BAZ2B: variants seen among roughly 807,000 people sequenced by gnomAD.
BAZ2B encodes the protein bromodomain adjacent to zinc finger domain 2B, also known as bromodomain adjacent to zinc finger domain protein 2B.
Under a neutral mutation model 246.0 loss-of-function variants are expected in BAZ2B, and 91 were observed. That is an observed-to-expected ratio of 0.37 (90% CI 0.31 to 0.44). The LOEUF is 0.44. BAZ2B is among the 20% of genes least tolerant of loss of function. The probability of loss-of-function intolerance (pLI) is 1.00; values close to 1 mark genes in which losing one functional copy is unlikely to be tolerated. For synonymous variants in BAZ2B, 855 were observed against 860.0 expected, an observed-to-expected ratio of 0.99 and a Z score of 0.10; for missense variants, 2,332 against 2,533.7, an observed-to-expected ratio of 0.92 and a Z score of 1.71.
rs1464480540 is a variant in BAZ2B, at chr2:159,555,068, G to GT, written c.-3+754_-3+755insA. 2.2e-3 allele frequency among the ~76,000 whole-genome samples: 191 copies of GT among 85,616 alleles called. 1 individual carries two copies. Among genetic ancestry groups the GT allele is most frequent in the East Asian group, 6.6e-3 (18 of 2,724 alleles). The allele number at this position is 85,616 out of a possible 152,430, so 56.2% of individuals were successfully genotyped here. On this transcript the variant is annotated intron_variant, in intron 2 of 36. Coordinates refer to ENST00000392783, the MANE Select transcript of BAZ2B (RefSeq NM_013450.4). ...ATATGTGGTATGTGGTGTATGTGGG[G>GT]GGTGTGTGTGTGTGTGTGTGTATTT...
chr2:159,679,435 G>C, the BAZ2B span, among the ~76,000 whole-genome samples: 6 of 151,990 alleles, frequency 3.9e-5, no homozygotes. Context: ...AAGTAAAATA[G>C]CAGAGTTTGT....
chr2:159,322,476 C>G (rs1321134104), intron 36 of BAZ2B, among the ~76,000 whole-genome samples: 3 of 152,160 alleles, frequency 2.0e-5, no homozygotes, highest in Admixed American at 6.5e-5. Flanking sequence ...TTTATCTATT[C>G]CAGATACTTC....
At chr2:159,367,447 T>A (rs1438802273) in intron 27 of BAZ2B, among the ~76,000 whole-genome samples, 1 of 152,210 alleles carries the variant, frequency 6.6e-6, no homozygotes, top group Non-Finnish European at 1.5e-5. Context: ...TCTGTGAAGG[T>A]AATCCAATGT....
intron 3 of BAZ2B, chr2:159,460,369 G>A (rs1014834362): frequency 1.3e-5 from 2 of 152,030 alleles, no homozygotes; most frequent in African/African-American, 2.4e-5. Context: ...CAAAATAATT[G>A]TAAGAACTAA....
chr2:159,434,469 A>G (rs12476807), intron 8 of BAZ2B: 49,488 of 152,114 alleles, frequency 0.33, 9,903 homozygotes, highest in Non-Finnish European at 0.46. Context: ...AAGTCAAACA[A>G]TTCTAAGTTG....
intron 2 of BAZ2B, among the ~76,000 whole-genome samples, chr2:159,548,776 G>A (rs967616621): frequency 1.3e-5 from 2 of 152,076 alleles, no homozygotes; most frequent in African/African-American, 4.8e-5. Flanking sequence ...TCCAGCCTGG[G>A]TGACTGAGCA....
intron 17 of BAZ2B, 152 bp from the exon 18 acceptor site, chr2:159,399,046 T>A: frequency 1.7e-6 from 1 of 578,564 alleles, no homozygotes; most frequent in Non-Finnish European, 2.8e-6. Context: ...CCAGTTAACA[T>A]TATGTTTAAC....
intron 2 of BAZ2B, among the ~76,000 whole-genome samples, chr2:159,530,235 T>C (rs1440472551): frequency 2.6e-5 from 4 of 152,184 alleles, no homozygotes; most frequent in Non-Finnish European, 5.9e-5. Context: ...TTTCTTTCTA[T>C]AACTTTTGCA....
At chr2:159,328,070 G>A (rs12996691) in intron 34 of BAZ2B, among the ~76,000 whole-genome samples, 2,692 of 49,332 alleles carry the variant, frequency 0.055, 348 homozygotes, top group African/African-American at 0.062. Context: ...GCCTCAAAAC[G>A]AAAAAAAAAA....
chr2:159,420,543 G>T (rs2068565613), intron 13 of BAZ2B, among the ~76,000 whole-genome samples: 1 of 152,080 alleles, frequency 6.6e-6, no homozygotes, highest in African/African-American at 2.4e-5. Flanking sequence ...CCTCCTGGTT[G>T]AAAGAAATAA....
intron 5 of BAZ2B, among the ~76,000 whole-genome samples, chr2:159,447,320 C>CT (rs1278089456): frequency 3.9e-5 from 6 of 152,150 alleles, no homozygotes; most frequent in Non-Finnish European, 8.8e-5. Flanking sequence ...AAATTATTCA[C>CT]TTTAAGATGG....
chr2:159,513,854 C>G (rs2083173250), intron 2 of BAZ2B, among the ~76,000 whole-genome samples: 1 of 152,062 alleles, frequency 6.6e-6, no homozygotes, highest in Non-Finnish European at 1.5e-5. Flanking sequence ...CCCACTGAGG[C>G]CCTACATGAA....
rs984824227 is a variant in BAZ2B at position 159,433,156 on chromosome 2, C to G, written c.1501G>C (p.Val501Leu). The change falls in exon 9 of 37, where the codon GTC (valine) becomes CTC (leucine). Residue 501 changes from valine to leucine, a missense_variant. By Grantham distance (32) the Val-to-Leu change is conservative (BLOSUM62 1). Coordinates refer to ENST00000392783, the MANE Select transcript of BAZ2B (RefSeq NM_013450.4). Reference protein sequence around the residue: ...NHQPNGVIQSVIQEAPLALTT... With the variant: ...NHQPNGVIQSLIQEAPLALTT... ...AGTGCTAGAGGAGCTTCTTGAATGA[C>G]ACTTTGAATAACTCCATTTGGTTGG... 3 of 1,614,164 alleles carry G rather than the reference C, an allele frequency of 1.9e-6. No homozygotes were observed. Among genetic ancestry groups the G allele is most frequent in the East Asian group, 4.5e-5 (2 of 44,882 alleles).
intron 2 of BAZ2B, among the ~76,000 whole-genome samples, chr2:159,482,944 A>G (rs2150963789): frequency 6.6e-6 from 1 of 152,282 alleles, no homozygotes; most frequent in Non-Finnish European, 1.5e-5. Flanking sequence ...GAGCATCCAC[A>G]TCTGACACCT....
At chr2:159,362,814 T>C (rs1160156909) in intron 27 of BAZ2B, among the ~76,000 whole-genome samples, 1 of 152,160 alleles carries the variant, frequency 6.6e-6, no homozygotes, top group Non-Finnish European at 1.5e-5. Flanking sequence ...CTTATCAGCT[T>C]AGAGATTTTC....
chr2:159,360,952 A>G (rs2059623244), intron 27 of BAZ2B, among the ~76,000 whole-genome samples: 1 of 152,208 alleles, frequency 6.6e-6, no homozygotes, highest in South Asian at 2.1e-4. Flanking sequence ...AAATTAACTC[A>G]AGATGGATTG....
chr2:159,620,906 T>C (rs1352936121), upstream of BAZ2B, among the ~76,000 whole-genome samples: 6 of 152,152 alleles, frequency 3.9e-5, no homozygotes, highest in Admixed American at 2.0e-4. Context: ...AGTAACTGTA[T>C]AGGCAGTGCA....
intron 1 of BAZ2B, among the ~76,000 whole-genome samples, chr2:159,580,651 T>A (rs1480738019): frequency 3.3e-5 from 5 of 152,136 alleles, no homozygotes; most frequent in African/African-American, 1.2e-4. Flanking sequence ...CATCACACTA[T>A]CTGACTTCAA....
chr2:159,560,049 G>A lies in BAZ2B; in HGVS notation c.-45-4184C>T, dbSNP rs114094565. 2.5e-3 allele frequency among the ~76,000 whole-genome samples: 376 copies of A among 152,226 alleles called. 3 individuals are homozygous for A. Among genetic ancestry groups the A allele is most frequent in the African/African-American group, 8.6e-3 (357 of 41,542 alleles). On this transcript the variant is annotated intron_variant, in intron 1 of 36. Coordinates refer to ENST00000392783, the MANE Select transcript of BAZ2B (RefSeq NM_013450.4). Reference sequence around the variant, plus strand: ...TGAGTATTTTTTCAGCAATCAGCACGTACTATCTTTATTTTTCCTCATGCT... The same window carrying A: ...TGAGTATTTTTTCAGCAATCAGCACATACTATCTTTATTTTTCCTCATGCT...
Sources: allele counts gnomAD v4.1 joint callset (sites outside exome capture counted in the v4.1 genomes callset), GRCh38; gene constraint gnomAD v4.1.1; transcripts MANE v1.5; gene names NCBI Gene and HGNC (gene_info 2026-07-23, HGNC 2026-07-21).